The following MSRA variants were observed in gnomAD, a reference collection of about 807,000 sequenced individuals.
MSRA encodes mitochondrial peptide methionine sulfoxide reductase.
MSRA carries 54 observed loss-of-function variants against 31.3 expected under a neutral mutation model. The observed-to-expected ratio is 1.73, with a 90% CI of 1.39 to 2.17. The LOEUF (loss-of-function observed/expected upper bound fraction) is 2.17, where lower values mean the gene tolerates loss of function less well. MSRA is among the 30% of genes most tolerant of loss of function. MSRA has a pLI of 0.00. For missense variants in MSRA, 507 were observed against 300.9 expected (o/e 1.69, Z -5.07); for synonymous variants, 169 against 116.5 (o/e 1.45, Z -2.90).
intron 1 of MSRA, among the ~76,000 whole-genome samples, chr8:10,081,856 C>G (rs1798310049): frequency 6.6e-6 from 1 of 152,240 alleles, no homozygotes; most frequent in Non-Finnish European, 1.5e-5. Context: ...GATCTGCAGT[C>G]AAATGTTCTA....
chr8:10,427,975 GTCCCTGCCCAGCGTCAC>G (rs113521176), intron 5 of MSRA, among the ~76,000 whole-genome samples, 156 bp from the exon 6 acceptor site: 56 of 152,334 alleles, frequency 3.7e-4, no homozygotes, highest in African/African-American at 1.3e-3. Flanking sequence ...AGCAAGGTAA[GTCCCTGCCCAGCGTCAC>G]TCCACTTGGA....
chr8:10,150,476 AT>A (rs538590869), intron 1 of MSRA, among the ~76,000 whole-genome samples: 130 of 152,354 alleles, frequency 8.5e-4, no homozygotes, highest in African/African-American at 3.0e-3. Flanking sequence ...CCTTTTATCA[AT>A]TGAAACAAAC....
rs190783752 is a variant in MSRA at position 10,151,621 on chromosome 8, G to C, written c.143-56212G>C. ...GCCCAGATCGCGCCACTGCACTCCA[G>C]CCTGGGCGACAGAGTGAGACTGTGT... is the stretch of plus-strand genomic sequence containing the variant. On this transcript the variant is annotated intron_variant, in intron 1 of 5. Coordinates refer to ENST00000317173, the MANE Select transcript of MSRA (RefSeq NM_012331.5). Among the ~76,000 whole-genome samples, 74 of 152,336 alleles carry C rather than the reference G, an allele frequency of 4.9e-4. 1 individual carries two copies. The highest frequency in any genetic ancestry group is 1.6e-3 in the African/African-American group (65 of 41,576).
At chr8:10,274,071 C>G (rs1483171781) in intron 3 of MSRA, among the ~76,000 whole-genome samples, 1 of 152,144 alleles carries the variant, frequency 6.6e-6, no homozygotes, top group Non-Finnish European at 1.5e-5. Context: ...CCTCTACTGA[C>G]AGGGGTTAGC....
chr8:10,210,431 A>G (rs1809377012), intron 2 of MSRA, among the ~76,000 whole-genome samples: 1 of 152,214 alleles, frequency 6.6e-6, no homozygotes, highest in South Asian at 2.1e-4. Flanking sequence ...CAAAAGTATG[A>G]TCTGCAGCCA....
intron 1 of MSRA, among the ~76,000 whole-genome samples, chr8:10,154,961 G>T (rs892168174): frequency 3.8e-5 from 5 of 132,634 alleles, no homozygotes. Context: ...AAAATTTAAT[G>T]GGAAAGCTAA....
In MSRA at chr8:10,286,959, C is replaced by T. The variant is rs186121618; in HGVS notation, c.332-14575C>T. Among the ~76,000 whole-genome samples, 99 of 152,314 alleles carry T rather than the reference C, an allele frequency of 6.5e-4. 1 individual carries two copies. The highest frequency in any genetic ancestry group is 1.3e-4 in the Non-Finnish European group (9 of 68,036). On this transcript the variant is annotated intron_variant, in intron 3 of 5. Transcript: ENST00000317173. ...ATAACTGCTGTGCTGACAAGGAAGT[C>T]GAGACTCAGAGAGGTTAAGCGATTC...
chr8:10,399,005 G>A lies in MSRA; in HGVS notation c.544-29143G>A, dbSNP rs1027331856. Among the ~76,000 whole-genome samples the A allele has an allele frequency of 1.2e-4, 18 of 152,192 alleles. No homozygotes were observed. In the South Asian group the frequency reaches 1.7e-3, roughly 14 times the overall value. On this transcript the variant is annotated intron_variant, in intron 5 of 5. Coordinates refer to ENST00000317173, the MANE Select transcript of MSRA (RefSeq NM_012331.5). ...GGGAAAAAGCCCGAGGACTGGGTTCGGCTCAGCAAATCTGCCAGCCTTTGG... is the reference window on the plus strand; with the variant it reads ...GGGAAAAAGCCCGAGGACTGGGTTCAGCTCAGCAAATCTGCCAGCCTTTGG...
At chr8:10,203,955 T>C (rs1410058803) in intron 1 of MSRA, among the ~76,000 whole-genome samples, 2 of 151,718 alleles carry the variant, frequency 1.3e-5, no homozygotes, top group Non-Finnish European at 2.9e-5. Flanking sequence ...ACAGAAAATT[T>C]AAAAAGTAAA....
In MSRA at chr8:10,085,270, G is replaced by A. The variant is rs922753274; in HGVS notation, c.142+30612G>A. Among the ~76,000 whole-genome samples, 5 of 152,216 alleles carry A rather than the reference G, an allele frequency of 3.3e-5. No individual in the cohort carries two copies. In the South Asian group the frequency reaches 6.2e-4, roughly 19 times the overall value. On this transcript the variant is annotated intron_variant, in intron 1 of 5. Coordinates refer to ENST00000317173, the MANE Select transcript of MSRA (RefSeq NM_012331.5). ...CTTGAGAATACCCACCCTATTCCAC[G>A]TTTCTGATTTCCACTCATCCTCATG... is the stretch of plus-strand genomic sequence containing the variant.
rs530184288 is a variant in MSRA at position 10,082,188 on chromosome 8, G to T, written c.142+27530G>T. 9.8e-5 allele frequency among the ~76,000 whole-genome samples: 15 copies of T among 152,288 alleles called. 1 individual carries two copies. In the South Asian group the frequency reaches 1.7e-3, roughly 17 times the overall value. On this transcript the variant is annotated intron_variant, in intron 1 of 5. Transcript: ENST00000317173. ...CCACTATACTCCAGTCTGGGTGGTA[G>T]TGTGAAACCCTGCTGCTAAAAAATG...
chr8:10,333,174 A>G (rs1221922639), intron 5 of MSRA, among the ~76,000 whole-genome samples: 1 of 152,224 alleles, frequency 6.6e-6, no homozygotes, highest in Admixed American at 6.5e-5. Flanking sequence ...GAATGAATTC[A>G]CATTTCTCCA....
intron 5 of MSRA, among the ~76,000 whole-genome samples, chr8:10,386,479 CA>C (rs1270343290): frequency 6.6e-6 from 1 of 152,168 alleles, no homozygotes; most frequent in African/African-American, 2.4e-5. Context: ...AGTCTAACAA[CA>C]GAGGAAAGGT....
intron 5 of MSRA, among the ~76,000 whole-genome samples, chr8:10,360,086 G>A (rs1229055944): frequency 6.6e-6 from 1 of 152,188 alleles, no homozygotes; most frequent in African/African-American, 2.4e-5. Flanking sequence ...TGCAGCTCCA[G>A]CCTCTTCACC....
At chr8:10,207,297 G>A (rs967434842) in intron 1 of MSRA, among the ~76,000 whole-genome samples, 3 of 152,204 alleles carry the variant, frequency 2.0e-5, no homozygotes, top group Admixed American at 6.5e-5. Context: ...TCTTAAGGAG[G>A]CTGGTGTCTT....
intron 5 of MSRA, among the ~76,000 whole-genome samples, chr8:10,343,377 G>C (rs1803565170): frequency 6.6e-6 from 1 of 152,222 alleles, no homozygotes. Flanking sequence ...GTGTTTTCAG[G>C]GTGGAATGCA....
chr8:10,361,649 C>A (rs539772205), intron 5 of MSRA, among the ~76,000 whole-genome samples: 1 of 152,292 alleles, frequency 6.6e-6, no homozygotes, highest in Admixed American at 6.5e-5. Context: ...TGCTTGCCTT[C>A]TCAGGAGCTC....
At chr8:10,383,272 G>C (rs1806187578) in intron 5 of MSRA, among the ~76,000 whole-genome samples, 1 of 152,218 alleles carries the variant, frequency 6.6e-6, no homozygotes, top group South Asian at 2.1e-4. Flanking sequence ...GGCAGGAGAG[G>C]ACTTTGCCAA....
chr8:10,082,640 AC>A (rs1798353519), intron 1 of MSRA, among the ~76,000 whole-genome samples: 1 of 152,140 alleles, frequency 6.6e-6, no homozygotes, highest in Non-Finnish European at 1.5e-5. Flanking sequence ...AAATTGTGTA[AC>A]CTTGGAGGTT....
Sources: gnomAD v4.1 joint callset for allele counts (sites outside exome capture counted in the v4.1 genomes callset) on GRCh38, gnomAD v4.1.1 for gene constraint, MANE v1.5 for transcripts, NCBI Gene and HGNC (gene_info 2026-07-23, HGNC 2026-07-21) for gene names.